The following EPHB2 variants were observed in gnomAD, a reference collection of about 807,000 sequenced individuals.
EPHB2 encodes the protein EPH receptor B2, also known as ephrin type-B receptor 2.
A neutral mutation model predicts 96.4 loss-of-function variants in EPHB2; 18 were observed. The observed-to-expected ratio is 0.19, with a 90% CI of 0.13 to 0.28. The LOEUF (loss-of-function observed/expected upper bound fraction) is 0.28. EPHB2 is among the 10% of genes least tolerant of loss of function. The pLI, the probability that EPHB2 is intolerant of heterozygous loss-of-function variation, is 1.00. For missense variants in EPHB2, 989 were observed against 1,355.4 expected, an observed-to-expected ratio of 0.73 and a Z score of 4.25; for synonymous variants, 506 against 534.1, an observed-to-expected ratio of 0.95 and a Z score of 0.72.
At chr1:22,839,055 A>G (rs1645426847) in intron 3 of EPHB2, among the ~76,000 whole-genome samples, 1 of 152,220 alleles carries the variant, frequency 6.6e-6, no homozygotes, top group Non-Finnish European at 1.5e-5. Flanking sequence ...TTTTGCAGAT[A>G]GGAAAAACAA....
rs1028400016 is a variant in EPHB2 at position 22,718,747 on chromosome 1, T to C, written c.61+7704T>C. On this transcript the variant is annotated intron_variant, in intron 1 of 15. Coordinates refer to ENST00000374630, the MANE Select transcript of EPHB2 (RefSeq NM_017449.5). ...GCATTATGTGTGTTGCCTTGTGCAG[T>C]TGCCCCAAGAGCCCCACAGGTCGTT... 1.3e-5 allele frequency among the ~76,000 whole-genome samples: 2 copies of C among 152,184 alleles called. 1 individual carries two copies. Among genetic ancestry groups the C allele is most frequent in the African/African-American group, 4.8e-5 (2 of 41,450 alleles).
At chr1:22,872,671 C>T (rs771050576) in intron 5 of EPHB2, among the ~76,000 whole-genome samples, 4 of 152,176 alleles carry the variant, frequency 2.6e-5, no homozygotes, top group East Asian at 1.9e-4. Context: ...GCATCCTGAC[C>T]GGGTGTCTGT....
intron 6 of EPHB2, among the ~76,000 whole-genome samples, chr1:22,885,389 G>A (rs550393530): frequency 2.0e-5 from 3 of 152,360 alleles, no homozygotes; most frequent in Admixed American, 2.0e-4. Flanking sequence ...TGAACCGGGA[G>A]GCAGCTCTGC....
intron 6 of EPHB2, among the ~76,000 whole-genome samples, chr1:22,887,198 G>C (rs901401528): frequency 2.0e-5 from 3 of 152,154 alleles, no homozygotes; most frequent in African/African-American, 7.2e-5. Flanking sequence ...GGTGCTGGCA[G>C]AGGGGTAGGA....
intron 1 of EPHB2, among the ~76,000 whole-genome samples, chr1:22,735,404 A>C (rs1169096006): frequency 2.0e-5 from 3 of 151,420 alleles, no homozygotes; most frequent in Non-Finnish European, 4.4e-5. Context: ...ATGCCACTGC[A>C]CTGCAGCCTA....
chr1:22,902,597 A>G (rs1001902887), intron 9 of EPHB2, among the ~76,000 whole-genome samples: 12 of 152,230 alleles, frequency 7.9e-5, no homozygotes, highest in Non-Finnish European at 1.8e-4. Flanking sequence ...TAATGCTATT[A>G]TGTGTTCAAT....
intron 1 of EPHB2, among the ~76,000 whole-genome samples, chr1:22,768,937 G>A (rs2148404096): frequency 6.6e-6 from 1 of 152,286 alleles, no homozygotes; most frequent in African/African-American, 2.4e-5. Flanking sequence ...CACTTGGGAA[G>A]TCTCCTCTAA....
intron 3 of EPHB2, among the ~76,000 whole-genome samples, chr1:22,800,833 G>A (rs959283110): frequency 6.6e-6 from 1 of 151,974 alleles, no homozygotes; most frequent in Non-Finnish European, 1.5e-5. Flanking sequence ...ATATGTCAGG[G>A]CCATTGATTT....
At position 22,917,556 on chromosome 1, in the gene EPHB2, G is replaced by A. The variant is rs1403377916; in HGVS notation, c.*3986G>A. 1.3e-5 allele frequency: 2 copies of A among 152,258 alleles called. No individual in the cohort carries two copies. Among genetic ancestry groups the A allele is most frequent in the Admixed American group, 6.5e-5 (1 of 15,280 alleles). 9.4% of individuals were successfully genotyped at this position (152,258 alleles called of 1,614,324 possible). A position where few individuals can be genotyped will look rare whatever the true frequency, so the allele number is the denominator to read the frequency against. On this transcript the variant is annotated 3_prime_UTR_variant, in exon 16 of 16. Transcript: ENST00000374630. ...ATCTGGGGAGACACTTCCCCTCACT[G>A]AGCCATCTGTAAAATGAGAGCATTG...
intron 1 of EPHB2, among the ~76,000 whole-genome samples, chr1:22,750,508 A>G (rs1451819265): frequency 3.3e-5 from 5 of 152,176 alleles, no homozygotes; most frequent in Non-Finnish European, 5.9e-5. Flanking sequence ...TGAATCACAC[A>G]GTAAGAAAGT....
intron 5 of EPHB2, among the ~76,000 whole-genome samples, chr1:22,872,525 A>G (rs1638706902): frequency 6.6e-6 from 1 of 152,118 alleles, no homozygotes. Context: ...CAGAAGTTAA[A>G]CCTACATCAA....
intron 1 of EPHB2, among the ~76,000 whole-genome samples, chr1:22,732,475 C>G (rs747872575): frequency 6.6e-6 from 1 of 152,174 alleles, no homozygotes; most frequent in Non-Finnish European, 1.5e-5. Context: ...TTTTAAAATG[C>G]CTTGTTGAAA....
At chr1:22,865,758 C>T (rs552473848) in intron 5 of EPHB2, among the ~76,000 whole-genome samples, 1 of 152,270 alleles carries the variant, frequency 6.6e-6, no homozygotes, top group African/African-American at 2.4e-5. Flanking sequence ...GTCACGTGGC[C>T]TCACTGAGAC....
In EPHB2 at chr1:22,909,116, T is replaced by C. The variant is rs764325627; in HGVS notation, c.2447T>C (p.Met816Thr). The change falls in exon 13 of 16, where the codon ATG becomes ACG. Residue 816 changes from methionine to threonine, a missense_variant. Coordinates refer to ENST00000374630, the MANE Select transcript of EPHB2 (RefSeq NM_017449.5). ...ASDVWSYGIV[M>T]WEVMSYGERP... ...GATGTGTGGAGCTACGGCATTGTCATGTGGGAGGTGATGTCCTATGGGGAG... is the reference window on the plus strand; with the variant it reads ...GATGTGTGGAGCTACGGCATTGTCACGTGGGAGGTGATGTCCTATGGGGAG... 1.2e-6 allele frequency: 2 copies of C among 1,614,186 alleles called. No individual in the cohort carries two copies. Among genetic ancestry groups the C allele is most frequent in the South Asian group, 1.1e-5 (1 of 91,084 alleles).
intron 7 of EPHB2, 29 bp downstream of exon 7, chr1:22,893,075 G>A (rs773668943): frequency 6.2e-7 from 1 of 1,613,970 alleles, no homozygotes; most frequent in Non-Finnish European, 8.5e-7. Context: ...GCAAGAGGAG[G>A]GCACAGACTC....
At chr1:22,824,676 G>A (rs1231089783) in intron 3 of EPHB2, among the ~76,000 whole-genome samples, 1 of 152,260 alleles carries the variant, frequency 6.6e-6, no homozygotes, top group Non-Finnish European at 1.5e-5. Flanking sequence ...CTTGAACAGG[G>A]AGCTGACATT....
intron 3 of EPHB2, among the ~76,000 whole-genome samples, chr1:22,859,153 T>C (rs558911198): frequency 6.6e-6 from 1 of 151,810 alleles, no homozygotes; most frequent in African/African-American, 2.4e-5. Flanking sequence ...ATAAATAAAA[T>C]AGACCCTGCC....
chr1:22,848,668 C>T (rs1645579482), intron 3 of EPHB2, among the ~76,000 whole-genome samples: 1 of 152,162 alleles, frequency 6.6e-6, no homozygotes, highest in African/African-American at 2.4e-5. Context: ...GGGTTCTGTA[C>T]CCCTAGGAGG....
At chr1:22,770,377 C>T (rs554226624) in intron 1 of EPHB2, among the ~76,000 whole-genome samples, 1 of 152,188 alleles carries the variant, frequency 6.6e-6, no homozygotes, top group South Asian at 2.1e-4. Flanking sequence ...GGTCTGGGTT[C>T]TGGGATTTGA....
Sources: gnomAD v4.1 joint callset for allele counts (sites outside exome capture counted in the v4.1 genomes callset) on GRCh38, gnomAD v4.1.1 for gene constraint, MANE v1.5 for transcripts, NCBI Gene and HGNC (gene_info 2026-07-23, HGNC 2026-07-21) for gene names.